Variants in MKRN1 observed in about 807,000 individuals in gnomAD.
The protein encoded by MKRN1 is makorin ring finger protein 1, also known as E3 ubiquitin-protein ligase makorin-1.
In MKRN1, 9 loss-of-function variants were observed where a neutral mutation model predicts 55.5. The observed-to-expected ratio is 0.16, with a 90% CI of 0.10 to 0.28. The LOEUF is 0.28. MKRN1 is among the 10% of genes least tolerant of loss of function. MKRN1 has a pLI of 1.00. For synonymous variants in MKRN1, 253 were observed against 235.9 expected (o/e 1.07, Z -0.66); for missense variants, 488 against 626.7 (o/e 0.78, Z 2.36).
At chr7:140,473,438 T>A (rs1288218232) in intron 1 of MKRN1, 1 of 286,322 alleles carries the variant, frequency 3.5e-6, no homozygotes, top group African/African-American at 2.3e-5. Flanking sequence ...CAAGTTACCC[T>A]GTAAGGGTAC....
intron 1 of MKRN1, chr7:140,475,396 A>G: frequency 3.0e-6 from 1 of 333,768 alleles, no homozygotes; most frequent in South Asian, 2.1e-5. Flanking sequence ...ATGGTGGCTC[A>G]CACCTGTAAT....
chr7:140,459,316 T>C (rs1794552605), intron 3 of MKRN1, 83 bp from the exon 4 acceptor site: 7 of 1,398,858 alleles, frequency 5.0e-6, no homozygotes, highest in Non-Finnish European at 7.0e-6. Flanking sequence ...CCGCAAAAAA[T>C]GAAAATAAAA....
At chr7:140,456,189 T>C in intron 5 of MKRN1, 1 of 1,182,756 alleles carries the variant, frequency 8.5e-7, no homozygotes. Flanking sequence ...AGACTCCTTT[T>C]TCTTTCGTTT....
chr7:140,474,168 C>T (rs1399249910), intron 1 of MKRN1, among the ~76,000 whole-genome samples: 1 of 151,714 alleles, frequency 6.6e-6, no homozygotes, highest in African/African-American at 2.4e-5. Context: ...TCAAAACCAG[C>T]ATGGCCAACA....
intron 1 of MKRN1, among the ~76,000 whole-genome samples, chr7:140,475,622 C>T (rs769596467): frequency 3.3e-5 from 5 of 152,056 alleles, no homozygotes; most frequent in Non-Finnish European, 7.4e-5. Context: ...CAAGACACTG[C>T]CACTGCATTC....
chr7:140,455,400 A>G, intron 6 of MKRN1, 167 bp from the exon 7 acceptor site: 1 of 786,752 alleles, frequency 1.3e-6, no homozygotes, highest in Non-Finnish European at 2.0e-6. Flanking sequence ...AAGAAACACT[A>G]ACTAGAAACC....
chr7:140,462,657 C>T (rs1023995314), intron 2 of MKRN1, among the ~76,000 whole-genome samples: 13 of 151,674 alleles, frequency 8.6e-5, no homozygotes, highest in African/African-American at 2.4e-4. Flanking sequence ...GGCAAAACTC[C>T]GTCTCTACTA....
At position 140,462,184 on chromosome 7, in the gene MKRN1, T is replaced by C. The variant is rs368750212; in HGVS notation, c.315-2248A>G. Among the ~76,000 whole-genome samples the C allele has an allele frequency of 3.4e-4, 52 of 152,106 alleles. 1 individual carries two copies. The East Asian group carries it at 6.0e-3, about 18-fold the overall frequency. On this transcript the variant is annotated intron_variant, in intron 2 of 7. Coordinates refer to ENST00000255977, the MANE Select transcript of MKRN1 (RefSeq NM_013446.4). ...CTGGGACGACAGGTGTGTGCCACAA[T>C]GCTGGTCTAACTTTTTTTATTTTTT...
intron 4 of MKRN1, 118 bp downstream of exon 4, chr7:140,458,889 T>TA (rs760681788): frequency 1.7e-4 from 189 of 1,092,152 alleles, no homozygotes; most frequent in Non-Finnish European, 2.3e-4. Context: ...AAAACTTCCC[T>TA]ACTCACTGAT....
At chr7:140,461,111 C>T (rs1213011294) in intron 2 of MKRN1, among the ~76,000 whole-genome samples, 4 of 152,184 alleles carry the variant, frequency 2.6e-5, no homozygotes, top group Non-Finnish European at 5.9e-5. Flanking sequence ...GACACAAGGT[C>T]AATAAGCAGA....
Position 140,454,610 on chromosome 7 carries a change from C to T in MKRN1, c.1356G>A (p.Leu452=). ...TTAGTTCGTCGTCCCCACCTGCAGC[C>T]AAAAGCATAAGCAACATCTCGCCCA... ...FELGEMLLML[L]AAGGDDELTD... is the part of the protein sequence containing the mutation. The change falls in exon 8 of 8, where the codon TTG becomes TTA. Residue 452 remains leucine, a synonymous_variant. Coordinates refer to ENST00000255977, the MANE Select transcript of MKRN1 (RefSeq NM_013446.4). The T allele has an allele frequency of 6.2e-7, 1 of 1,613,970 alleles. No homozygotes were observed. Among genetic ancestry groups the T allele is most frequent in the Non-Finnish European group, 8.5e-7 (1 of 1,179,868 alleles).
chr7:140,473,052 T>C (rs60137728), intron 1 of MKRN1, among the ~76,000 whole-genome samples: 40,338 of 151,168 alleles, frequency 0.27, 9,269 homozygotes, highest in African/African-American at 0.63. Context: ...GATCGTGCCA[T>C]TGAGCCACTG....
intron 6 of MKRN1, chr7:140,455,520 C>T (rs1423117483): frequency 2.9e-5 from 16 of 557,766 alleles, no homozygotes; most frequent in Middle Eastern, 4.7e-4. Context: ...AGCTATGACA[C>T]GGATTCAGAA....
At chr7:140,464,308 G>T (rs1176214793) in intron 2 of MKRN1, among the ~76,000 whole-genome samples, 1 of 152,148 alleles carries the variant, frequency 6.6e-6, no homozygotes, top group Non-Finnish European at 1.5e-5. Flanking sequence ...GGAGGCTGAG[G>T]TGGGAGGATT....
chr7:140,460,310 CTT>C (rs57140647), intron 2 of MKRN1: 17,791 of 112,046 alleles, frequency 0.16, 1,270 homozygotes, highest in African/African-American at 0.29. Flanking sequence ...TTTTTCTTTT[CTT>C]TTTTTTTTTT....
At chr7:140,458,963 T>A in intron 4 of MKRN1, 44 bp downstream of exon 4, 1 of 1,584,562 alleles carries the variant, frequency 6.3e-7, no homozygotes. Context: ...GGGCAAATAA[T>A]GATTCTCACA....
intron 2 of MKRN1, among the ~76,000 whole-genome samples, chr7:140,469,217 T>A (rs1310831513): frequency 1.3e-5 from 2 of 151,660 alleles, no homozygotes; most frequent in Non-Finnish European, 1.5e-5. Flanking sequence ...TCCCAGCTAC[T>A]CAGGAGGCTG....
chr7:140,462,825 G>A (rs1585474601), intron 2 of MKRN1, among the ~76,000 whole-genome samples: 1 of 152,140 alleles, frequency 6.6e-6, no homozygotes, highest in African/African-American at 2.4e-5. Context: ...AATTAGCCGG[G>A]TGTGGTGGTG....
chr7:140,455,376 G>T, intron 6 of MKRN1, 143 bp from the exon 7 acceptor site: 1 of 1,026,234 alleles, frequency 9.7e-7, no homozygotes, highest in Non-Finnish European at 1.4e-6. Context: ...TTATAAACAT[G>T]TGTGTGCCAA....
Sources: gnomAD v4.1 joint callset for allele counts (sites outside exome capture counted in the v4.1 genomes callset) on GRCh38, gnomAD v4.1.1 for gene constraint, MANE v1.5 for transcripts, NCBI Gene and HGNC (gene_info 2026-07-23, HGNC 2026-07-21) for gene names.